LARP4B: variants seen among roughly 807,000 people sequenced by gnomAD.
LARP4B encodes La ribonucleoprotein 4B.
Under a neutral mutation model 89.8 loss-of-function variants are expected in LARP4B, and 12 were observed. The ratio of observed to expected loss-of-function variants is 0.13; its 90% CI spans 0.09 to 0.22. The LOEUF is 0.22. Among genes scored for constraint, LARP4B ranks in the 10% least tolerant of loss-of-function variants. The pLI, the probability that LARP4B is intolerant of heterozygous loss-of-function variation, is 1.00. For synonymous variants in LARP4B, 367 were observed against 363.3 expected, an observed-to-expected ratio of 1.01 and a Z score of -0.12; for missense variants, 757 against 947.7, an observed-to-expected ratio of 0.80 and a Z score of 2.64.
chr10:874,121 C>T (rs1218560174), intron 3 of LARP4B, among the ~76,000 whole-genome samples: 2 of 152,112 alleles, frequency 1.3e-5, no homozygotes, highest in East Asian at 1.9e-4. Context: ...GTAGTTCCAG[C>T]TACTCGGAAG....
chr10:863,509 G>A (rs1037885424), intron 5 of LARP4B, among the ~76,000 whole-genome samples: 11 of 152,076 alleles, frequency 7.2e-5, no homozygotes, highest in East Asian at 5.8e-4. Context: ...GATGACAGGC[G>A]TGAGCCCCCG....
chr10:905,381 C>A (rs1042052847), intron 1 of LARP4B, among the ~76,000 whole-genome samples: 1 of 152,134 alleles, frequency 6.6e-6, no homozygotes, highest in Non-Finnish European at 1.5e-5. Context: ...ATACGTATTT[C>A]TTAGCATTTC....
At position 864,285 on chromosome 10, in the gene LARP4B, A is replaced by G. The variant is rs35968821; in HGVS notation, c.142-15T>C. ...GTTGCTGGTACCTAGGAAGAAATGT[A>G]AGATAGACATTTGTATCCAAATGTC... On this transcript the variant is annotated splice_polypyrimidine_tract_variant and intron_variant, in intron 3 of 17. Transcript: ENST00000316157. The G allele has an allele frequency of 0.17, 282,144 of 1,612,600 alleles. 26,694 individuals carry two copies. The highest frequency in any genetic ancestry group is 0.2 in the Non-Finnish European group (231,291 of 1,178,632).
chr10:915,721 G>A (rs991476354), intron 1 of LARP4B, among the ~76,000 whole-genome samples: 1 of 148,728 alleles, frequency 6.7e-6, no homozygotes, highest in African/African-American at 2.6e-5. Flanking sequence ...AGAGAATAGC[G>A]ACTCAGGAGG....
At chr10:866,821 T>C (rs1173508464) in intron 3 of LARP4B, among the ~76,000 whole-genome samples, 2 of 152,220 alleles carry the variant, frequency 1.3e-5, no homozygotes, top group Admixed American at 1.3e-4. Context: ...AAATACATTT[T>C]GTGGTTTATT....
chr10:934,356 G>A (rs1006875395), upstream of LARP4B, among the ~76,000 whole-genome samples: 2 of 151,934 alleles, frequency 1.3e-5, no homozygotes, highest in Admixed American at 6.6e-5. Context: ...AAAAGTAGCC[G>A]GGCATGTGGT....
In LARP4B at chr10:825,198, T is replaced by C; in HGVS notation, c.1351A>G (p.Ser451Gly). The change falls in exon 13 of 18, where the codon AGT (serine) becomes GGT (glycine). Residue 451 changes from serine to glycine, a missense_variant. Physicochemically the swap from Ser to Gly is moderately conservative, Grantham distance 56 (BLOSUM62 0). This residue lies in a region of LARP4B where 387 missense variants were observed against 423.6 expected (regional missense o/e 0.91). Transcript: ENST00000316157. ...TGACCTGCTTGCCTTGTTTGTGGACTCCGGACACCATTAATTAATCGATCT... is the reference window on the plus strand; with the variant it reads ...TGACCTGCTTGCCTTGTTTGTGGACCCCGGACACCATTAATTAATCGATCT... Reference protein sequence around the residue: ...TADRLINGVRSPQTRQAGQTR... With the variant: ...TADRLINGVRGPQTRQAGQTR... The C allele has an allele frequency of 6.2e-7, 1 of 1,614,176 alleles. No homozygotes were observed. Among genetic ancestry groups the C allele is most frequent in the Non-Finnish European group, 8.5e-7 (1 of 1,180,026 alleles).
At chr10:911,338 T>C (rs918994431) in intron 1 of LARP4B, among the ~76,000 whole-genome samples, 1 of 152,168 alleles carries the variant, frequency 6.6e-6, no homozygotes, top group Admixed American at 6.5e-5. Context: ...ATACTTTGGC[T>C]ATTGTTTTTT....
chr10:827,013 G>A (rs948608738), intron 11 of LARP4B, among the ~76,000 whole-genome samples: 9 of 152,202 alleles, frequency 5.9e-5, no homozygotes, highest in African/African-American at 2.2e-4. Flanking sequence ...AGTGGCTCAT[G>A]CCTATAACCC....
At chr10:830,050 C>T (rs1832821026) in intron 9 of LARP4B, among the ~76,000 whole-genome samples, 1 of 152,180 alleles carries the variant, frequency 6.6e-6, no homozygotes, top group South Asian at 2.1e-4. Context: ...TACTGAGTTC[C>T]TAGTATTCAT....
intron 1 of LARP4B, among the ~76,000 whole-genome samples, chr10:907,393 G>A (rs1344549103): frequency 1.3e-5 from 2 of 152,206 alleles, no homozygotes; most frequent in Non-Finnish European, 1.5e-5. Flanking sequence ...ATTCACAGCT[G>A]AGGGCAAAAT....
chr10:909,579 G>T (rs1836610575), intron 1 of LARP4B, among the ~76,000 whole-genome samples: 1 of 152,014 alleles, frequency 6.6e-6, no homozygotes, highest in South Asian at 2.1e-4. Context: ...GAGGGCACGA[G>T]TTTGAGACCA....
chr10:964,522 T>C, the LARP4B span, among the ~76,000 whole-genome samples: 1 of 152,274 alleles, frequency 6.6e-6, no homozygotes, highest in Non-Finnish European at 1.5e-5. Context: ...CAAACGCTGT[T>C]GCAGCAGATG....
At chr10:905,477 T>C (rs1012672726) in intron 1 of LARP4B, among the ~76,000 whole-genome samples, 1 of 152,170 alleles carries the variant, frequency 6.6e-6, no homozygotes. Flanking sequence ...GGAATCTAAA[T>C]AGAGCAGACA....
rs900938614 is a variant in LARP4B at position 817,857 on chromosome 10, C to T, written c.1563G>A (p.Lys521=). The T allele has an allele frequency of 6.2e-7, 1 of 1,614,134 alleles. No individual in the cohort carries two copies. The highest frequency in any genetic ancestry group is 1.7e-4 in the Middle Eastern group (1 of 6,060). ...SSQTQSPTPP[K]PPSPSFELGL... ...CCAGCTCGAAGCTTGGCGACGGAGG[C>T]TTTGGTGGCGTTGGAGACTGTGTCT... Residue 521 remains lysine (K), a synonymous_variant, in exon 15 of 18, where the codon AAG becomes AAA. Coordinates refer to ENST00000316157, the MANE Select transcript of LARP4B (RefSeq NM_015155.3).
At chr10:932,565 T>C (rs1321439964), upstream of LARP4B, among the ~76,000 whole-genome samples, 4 of 8,460 alleles carry the variant, frequency 4.7e-4, no homozygotes, top group Admixed American at 1.6e-3. Flanking sequence ...TGCCCCAAAC[T>C]CCCACCCCAC....
chr10:840,376 C>T (rs970381151), intron 7 of LARP4B, among the ~76,000 whole-genome samples: 4 of 152,230 alleles, frequency 2.6e-5, no homozygotes, highest in Non-Finnish European at 5.9e-5. Context: ...CCGTGCTCCT[C>T]TGAACCCACA....
chr10:827,589 G>C (rs1045196717), intron 11 of LARP4B, among the ~76,000 whole-genome samples: 15 of 152,164 alleles, frequency 9.9e-5, no homozygotes, highest in Non-Finnish European at 8.8e-5. Context: ...CAGTATCACA[G>C]ACTCAGAGCA....
chr10:984,582 G>A, the LARP4B span, among the ~76,000 whole-genome samples: 15 of 152,132 alleles, frequency 9.9e-5, no homozygotes, highest in South Asian at 8.3e-4. Context: ...GCACAGGAAC[G>A]GAATTCTCAC....
Sources: allele counts gnomAD v4.1 joint callset (sites outside exome capture counted in the v4.1 genomes callset), GRCh38; gene constraint gnomAD v4.1.1; regional missense constraint gnomAD v4.1.1; transcripts MANE v1.5; gene names NCBI Gene and HGNC (gene_info 2026-07-23, HGNC 2026-07-21).